PDHA1: variants seen among roughly 807,000 people sequenced by gnomAD.
PDHA1 encodes the protein pyruvate dehydrogenase E1 subunit alpha 1.
Under a neutral mutation model 33.0 loss-of-function variants are expected in PDHA1, and 1 was observed. That is an observed-to-expected ratio of 0.03 (90% confidence interval 0.01 to 0.14). The LOEUF is 0.14. Ranked by LOEUF, PDHA1 falls within the 10% of genes least tolerant of loss-of-function variation. The pLI, the probability that PDHA1 is intolerant of heterozygous loss-of-function variation, is 1.00. For missense variants in PDHA1, 168 were observed against 325.1 expected (o/e 0.52, Z 3.72); for synonymous variants, 123 against 119.2 (o/e 1.03, Z -0.21).
At chrX:19,355,865 C>T in intron 8 of PDHA1, 108 bp downstream of exon 8, 1 of 602,062 alleles carries the variant, frequency 1.7e-6, no homozygotes, top group South Asian at 2.3e-5. Flanking sequence ...AATTGAGGTG[C>T]ATGAGATGGA....
chrX:19,358,434 A>T (rs2063221864), intron 9 of PDHA1, among the ~76,000 whole-genome samples: 2 of 111,334 alleles, frequency 1.8e-5, no homozygotes, highest in Admixed American at 9.6e-5. Context: ...CTTTAGGGGG[A>T]CTTAAGGGAG....
At chrX:19,351,857 G>T (rs2063165314) in intron 4 of PDHA1, among the ~76,000 whole-genome samples, 1 of 96,450 alleles carries the variant, frequency 1.0e-5, no homozygotes, top group African/African-American at 4.3e-5. Flanking sequence ...GGTGTGCAGT[G>T]GTGTGATCAC....
chrX:19,359,057 T>TCAAGGACA, intron 10 of PDHA1, 33 bp downstream of exon 10: 1 of 989,543 alleles, frequency 1.0e-6, no homozygotes, highest in Non-Finnish European at 1.4e-6. Context: ...GTTTGAAGGT[T>TCAAGGACA]GGCTTTAAAA....
intron 7 of PDHA1, 85 bp from the exon 8 acceptor site, chrX:19,355,601 T>C: frequency 8.8e-7 from 1 of 1,138,372 alleles, no homozygotes; most frequent in Non-Finnish European, 1.2e-6. Context: ...GAGAGTTTCA[T>C]TCTCATACAG....
Position 19,361,390 on chromosome X carries a change from G to A in PDHA1, c.*1737G>A, listed in dbSNP as rs1274425240. On this transcript the variant is annotated 3_prime_UTR_variant, in exon 11 of 11. Transcript: ENST00000422285. Reference sequence around the variant, plus strand: ...CTTAGTGATCTCATTAAGAATATCCGAAAGTGTATAACCCTCTTCAACAAT... The same window carrying A: ...CTTAGTGATCTCATTAAGAATATCCAAAAGTGTATAACCCTCTTCAACAAT... 1.1e-5 allele frequency: 13 copies of A among 1,207,758 alleles called. No individual in the cohort carries two copies. The highest frequency in any genetic ancestry group is 1.1e-4 in the South Asian group (6 of 56,664).
chrX:19,344,432 A>G (rs993376546), intron 1 of PDHA1, among the ~76,000 whole-genome samples: 4 of 113,023 alleles, frequency 3.5e-5, no homozygotes, highest in Non-Finnish European at 5.6e-5. Flanking sequence ...CGAGTCTCCA[A>G]TTGACCCCAC....
intron 10 of PDHA1, among the ~76,000 whole-genome samples, 173 bp downstream of exon 10, chrX:19,359,197 A>G (rs2063237131): frequency 9.0e-6 from 1 of 111,407 alleles, no homozygotes; most frequent in Non-Finnish European, 1.9e-5. Context: ...AGTTTCCTCT[A>G]TTCAAAATTG....
chrX:19,353,565 C>T (rs1379895183), intron 5 of PDHA1, among the ~76,000 whole-genome samples: 1 of 111,677 alleles, frequency 9.0e-6, no homozygotes, highest in African/African-American at 3.3e-5. Flanking sequence ...ACAAAATCGC[C>T]TAGTGATGCA....
intron 1 of PDHA1, among the ~76,000 whole-genome samples, chrX:19,346,134 A>G (rs1449833543): frequency 2.7e-5 from 3 of 111,919 alleles, no homozygotes; most frequent in African/African-American, 6.5e-5. Context: ...ACAGTAAACA[A>G]TAAGCAGTGG....
At chrX:19,354,896 G>A (rs1438455424) in intron 6 of PDHA1, among the ~76,000 whole-genome samples, 2 of 112,417 alleles carry the variant, frequency 1.8e-5, no homozygotes, top group African/African-American at 3.2e-5. Flanking sequence ...TTGGATGTCC[G>A]GGCTGGCAGT....
rs769308417 is a variant in PDHA1, at chrX:19,354,502, C to T, written c.522C>T (p.Gly174=). 1.4e-5 allele frequency: 17 copies of T among 1,189,805 alleles called. No individual in the cohort carries two copies. In the South Asian group the frequency reaches 2.0e-4, roughly 14 times the overall value. ...NGIVGAQVPL[G]AGIALACKYN... The stretch of plus-strand genomic sequence containing the variant: ...GTCCTTAATGTTAGGTGCCCCTGGG[C>T]GCTGGGATTGCTCTAGCCTGTAAGT... The change falls in exon 6 of 11, where the codon GGC becomes GGT. Residue 174 remains glycine (G), a synonymous_variant. Transcript: ENST00000422285.
intron 1 of PDHA1, among the ~76,000 whole-genome samples, chrX:19,347,443 A>C (rs2063141535): frequency 8.9e-6 from 1 of 112,691 alleles, no homozygotes; most frequent in Admixed American, 9.4e-5. Context: ...CCATGGGAGA[A>C]AGTATCTAAG....
At chrX:19,358,156 A>C (rs1468208899) in intron 9 of PDHA1, among the ~76,000 whole-genome samples, 1 of 111,868 alleles carries the variant, frequency 8.9e-6, no homozygotes, top group Non-Finnish European at 1.9e-5. Flanking sequence ...GTTGAAATAC[A>C]TCAATCAAAA....
chrX:19,350,182 C>T, intron 3 of PDHA1, 72 bp downstream of exon 3: 3 of 749,323 alleles, frequency 4.0e-6, no homozygotes, highest in Non-Finnish European at 6.3e-6. Flanking sequence ...TTGGGCTTTA[C>T]CCTGCCATAT....
At chrX:19,357,275 T>TGATA (rs1232843701) in intron 8 of PDHA1, 12 of 223,129 alleles carry the variant, frequency 5.4e-5, no homozygotes, top group African/African-American at 3.2e-4. Context: ...TTGTATTTTT[T>TGATA]GATAGAGATG....
At chrX:19,356,683 A>G (rs866670693) in intron 8 of PDHA1, among the ~76,000 whole-genome samples, 5 of 89,516 alleles carry the variant, frequency 5.6e-5, no homozygotes, top group Non-Finnish European at 9.5e-5. Flanking sequence ...GGAGTTGTAG[A>G]ATGTAGTTGT....
Position 19,361,596 on chromosome X carries a change from G to T in PDHA1, c.*1943G>T, listed in dbSNP as rs1340071069. On this transcript the variant is annotated 3_prime_UTR_variant, in exon 11 of 11. Transcript: ENST00000422285. ...GCCTGCTGGGTTCTCTGTAATACCTGTAACGATTGGCAATTTGTTATATAT... is the reference window on the plus strand; with the variant it reads ...GCCTGCTGGGTTCTCTGTAATACCTTTAACGATTGGCAATTTGTTATATAT... 1.7e-6 allele frequency: 2 copies of T among 1,163,934 alleles called. No individual in the cohort carries two copies. The highest frequency in any genetic ancestry group is 2.3e-6 in the Non-Finnish European group (2 of 855,469).
Position 19,355,520 on chromosome X carries a change from G to A in PDHA1, c.759+16G>A, listed in dbSNP as rs1602227721. On this transcript the variant is annotated intron_variant, in intron 7 of 10. Transcript: ENST00000422285. Reference sequence around the variant, plus strand: ...TGGGCTGAGAGTAAGGACACCTGTGGTGGGGCCGGGGCCAAGGCCAAGGCC... The same window carrying A: ...TGGGCTGAGAGTAAGGACACCTGTGATGGGGCCGGGGCCAAGGCCAAGGCC... The A allele has an allele frequency of 8.4e-7, 1 of 1,194,143 alleles. No individual in the cohort carries two copies. Among genetic ancestry groups the A allele is most frequent in the East Asian group, 3.0e-5 (1 of 33,831 alleles).
chrX:19,357,752 G>A, intron 9 of PDHA1, 33 bp downstream of exon 9: 1 of 1,111,786 alleles, frequency 9.0e-7, no homozygotes, highest in Non-Finnish European at 1.2e-6. Context: ...TTCCATAGGG[G>A]TGGGCTTTGA....
Sources: allele counts gnomAD v4.1 joint callset (sites outside exome capture counted in the v4.1 genomes callset), GRCh38; gene constraint gnomAD v4.1.1; transcripts MANE v1.5; gene names NCBI Gene and HGNC (gene_info 2026-07-23, HGNC 2026-07-21).